The following CYRIB variants were observed in gnomAD, a reference collection of about 807,000 sequenced individuals.
CYRIB encodes CYFIP-related Rac1 interactor B.
A neutral mutation model predicts 44.2 loss-of-function variants in CYRIB; 8 were observed. The observed-to-expected ratio is 0.18, with a 90% CI of 0.11 to 0.33. The LOEUF is 0.33. Among genes scored for constraint, CYRIB ranks in the 10% least tolerant of loss-of-function variants. The pLI is 1.00. For synonymous variants in CYRIB, 131 were observed against 127.2 expected, an observed-to-expected ratio of 1.03 and a Z score of -0.20; for missense variants, 185 against 382.8, an observed-to-expected ratio of 0.48 and a Z score of 4.31.
In CYRIB at chr8:129,849,132, T is replaced by C. The variant is rs915261552; in HGVS notation, c.840+111A>G. 5.9e-6 allele frequency: 6 copies of C among 1,018,556 alleles called. No individual in the cohort carries two copies. The East Asian group carries it at 1.3e-4, about 22-fold the overall frequency. 63.1% of individuals were successfully genotyped at this position (1,018,556 alleles called of 1,614,324 possible). On this transcript the variant is annotated intron_variant, in intron 10 of 11. Coordinates refer to ENST00000519824, the Ensembl canonical transcript of CYRIB. ...TGAAAGTCCACCATTTCACAAACTA[T>C]AAATCTGAGTTTTGTGAGAGTCCGG...
intron 1 of CYRIB, among the ~76,000 whole-genome samples, chr8:129,915,434 A>G (rs2080219741): frequency 6.6e-6 from 1 of 152,232 alleles, no homozygotes; most frequent in South Asian, 2.1e-4. Flanking sequence ...CTAGGAGTTA[A>G]GTCTGGGCAA....
intron 11 of CYRIB, among the ~76,000 whole-genome samples, chr8:129,846,534 CTGTT>C (rs2040137720): frequency 6.6e-6 from 1 of 152,182 alleles, no homozygotes; most frequent in African/African-American, 2.4e-5. Context: ...CAAGCAATCT[CTGTT>C]TGAAGAGAAG....
At chr8:129,886,716 C>A (rs1468190328) in intron 2 of CYRIB, among the ~76,000 whole-genome samples, 1 of 152,104 alleles carries the variant, frequency 6.6e-6, no homozygotes, top group Non-Finnish European at 1.5e-5. Context: ...TCACACCTTA[C>A]CTTGCCTGCC....
chr8:129,958,983 G>C (rs2131627934), intron 2 of CYRIB, among the ~76,000 whole-genome samples: 1 of 139,268 alleles, frequency 7.2e-6, no homozygotes. Context: ...AGAATTGCTT[G>C]AATCTGGGAG....
chr8:129,862,187 T>G, intron 5 of CYRIB, 42 bp downstream of exon 7: 1 of 1,388,830 alleles, frequency 7.2e-7, no homozygotes, highest in Non-Finnish European at 1.0e-6. Context: ...AATAAACATC[T>G]TTTTCACTAG....
At chr8:129,907,555 C>G (rs796626876) in intron 1 of CYRIB, among the ~76,000 whole-genome samples, 2 of 151,946 alleles carry the variant, frequency 1.3e-5, no homozygotes, top group Non-Finnish European at 2.9e-5. Context: ...AACAAACCTG[C>G]ACATTGTGCA....
intron 1 of CYRIB, among the ~76,000 whole-genome samples, chr8:129,977,632 C>T (rs1012014010): frequency 9.9e-5 from 15 of 151,446 alleles, no homozygotes; most frequent in Admixed American, 7.9e-4. Flanking sequence ...CCCAGGTTCA[C>T]GCCATTCTCC....
chr8:130,002,608 G>A (rs1166292866), intron 1 of CYRIB, among the ~76,000 whole-genome samples: 1 of 152,226 alleles, frequency 6.6e-6, no homozygotes, highest in African/African-American at 2.4e-5. Flanking sequence ...CACAACCTCT[G>A]ACACCATTTT....
chr8:129,877,234 C>A (rs1262876672), intron 3 of CYRIB, among the ~76,000 whole-genome samples: 2 of 152,098 alleles, frequency 1.3e-5, no homozygotes, highest in Non-Finnish European at 2.9e-5. Context: ...ACCAGAAGAT[C>A]TACATTGGCT....
At chr8:129,870,195 G>A (rs374934798) in intron 4 of CYRIB, among the ~76,000 whole-genome samples, 1 of 152,040 alleles carries the variant, frequency 6.6e-6, no homozygotes, top group African/African-American at 2.4e-5. Flanking sequence ...GGGGCGGGGC[G>A]GGGGATCACT....
At chr8:129,873,214 T>A (rs1035470865) in intron 3 of CYRIB, among the ~76,000 whole-genome samples, 1 of 151,968 alleles carries the variant, frequency 6.6e-6, no homozygotes, top group African/African-American at 2.4e-5. Flanking sequence ...AGGAAAATAC[T>A]GTGACAAAAT....
intron 2 of CYRIB, among the ~76,000 whole-genome samples, chr8:129,950,345 G>A (rs1295736277): frequency 2.6e-5 from 4 of 152,084 alleles, no homozygotes; most frequent in South Asian, 2.1e-4. Flanking sequence ...CATGGCAGAC[G>A]GATCACCTGA....
intron 8 of CYRIB, chr8:129,851,337 G>A (rs1323052237): frequency 6.1e-6 from 1 of 165,112 alleles, no homozygotes; most frequent in African/African-American, 2.4e-5. Flanking sequence ...ATTGGGGCAA[G>A]AGTGGAGGAA....
intron 2 of CYRIB, among the ~76,000 whole-genome samples, chr8:129,963,438 T>G (rs563803969): frequency 3.6e-4 from 55 of 152,338 alleles, no homozygotes; most frequent in Middle Eastern, 3.4e-3. Flanking sequence ...ACTCACAGGC[T>G]GATGTGGAGA....
chr8:129,991,651 G>GT (rs1404672437), intron 1 of CYRIB, among the ~76,000 whole-genome samples: 3 of 151,960 alleles, frequency 2.0e-5, no homozygotes. Context: ...CTCCAGAACT[G>GT]TAAGAAATAA....
intron 2 of CYRIB, among the ~76,000 whole-genome samples, chr8:129,888,970 G>C (rs1224001477): frequency 1.3e-5 from 2 of 152,148 alleles, no homozygotes; most frequent in Non-Finnish European, 2.9e-5. Flanking sequence ...GCAGGCGCCT[G>C]TAATCACAGC....
chr8:129,983,686 C>T (rs1478573812), intron 1 of CYRIB, among the ~76,000 whole-genome samples: 1 of 152,124 alleles, frequency 6.6e-6, no homozygotes, highest in Non-Finnish European at 1.5e-5. Context: ...CGCTCACGTG[C>T]GCTCTGCACC....
chr8:129,882,019 C>T (rs777835266), intron 2 of CYRIB, among the ~76,000 whole-genome samples: 9 of 152,278 alleles, frequency 5.9e-5, no homozygotes, highest in Non-Finnish European at 1.0e-4. Flanking sequence ...TTTTTAAAAG[C>T]TTTCCAACAT....
At chr8:129,977,963 C>T (rs1039979644) in intron 1 of CYRIB, among the ~76,000 whole-genome samples, 3 of 152,178 alleles carry the variant, frequency 2.0e-5, no homozygotes, top group African/African-American at 7.2e-5. Context: ...GGCTGGAGTG[C>T]AGTGGCACCA....
Sources: gnomAD v4.1 joint callset for allele counts (sites outside exome capture counted in the v4.1 genomes callset) on GRCh38, gnomAD v4.1.1 for gene constraint, MANE v1.5 for transcripts, NCBI Gene and HGNC (gene_info 2026-07-23, HGNC 2026-07-21) for gene names.